Variants in COL21A1 observed in about 807,000 individuals in gnomAD.
COL21A1 encodes the protein collagen alpha-1(XXI) chain.
A neutral mutation model predicts 137.9 loss-of-function variants in COL21A1; 149 were observed. The ratio of observed to expected loss-of-function variants is 1.08; its 90% confidence interval spans 0.95 to 1.24. The LOEUF (loss-of-function observed/expected upper bound fraction) is 1.24. Ranked by LOEUF, COL21A1 falls within the 50% of genes most tolerant of loss-of-function variation. The pLI is 0.00. For synonymous variants in COL21A1, 456 were observed against 391.5 expected (o/e 1.16, Z -1.95); for missense variants, 1,167 against 1,158.4 (o/e 1.01, Z -0.11).
intron 1 of COL21A1, among the ~76,000 whole-genome samples, chr6:56,305,991 T>C (rs1183836555): frequency 7.9e-4 from 106 of 134,672 alleles, no homozygotes; most frequent in Admixed American, 3.0e-3. Context: ...CCTTCACTTA[T>C]GAAGCTTAGT....
rs560095776 is a variant in COL21A1, at chr6:56,281,993, G to T, written c.-38-99337C>A. Among the ~76,000 whole-genome samples, 3 of 152,314 alleles carry T rather than the reference G, an allele frequency of 2.0e-5. No individual in the cohort carries two copies. In the East Asian group the frequency reaches 5.8e-4, roughly 29 times the overall value. ...TACCAAATAAACTTTGCTGTGAGAC[G>T]ATGTGTCAAGAGTGGGTTTTTTAGA... On this transcript the variant is annotated intron_variant, in intron 1 of 28. Transcript: ENST00000370819.
intron 1 of COL21A1, among the ~76,000 whole-genome samples, chr6:56,262,660 G>T (rs1255098459): frequency 6.6e-6 from 1 of 151,950 alleles, no homozygotes; most frequent in African/African-American, 2.4e-5. Context: ...ACTAGAATAG[G>T]GACTGGGATA....
intron 1 of COL21A1, among the ~76,000 whole-genome samples, chr6:56,323,447 T>C (rs1764923867): frequency 6.6e-6 from 1 of 152,192 alleles, no homozygotes; most frequent in African/African-American, 2.4e-5. Context: ...TGGAGTGCAA[T>C]GGCACAATCT....
chr6:56,356,885 T>C (rs1725828153), intron 1 of COL21A1, among the ~76,000 whole-genome samples: 1 of 152,202 alleles, frequency 6.6e-6, no homozygotes, highest in African/African-American at 2.4e-5. Context: ...AAAAATGTTA[T>C]GAAATGCATC....
chr6:56,270,206 A>C (rs1763492213), intron 1 of COL21A1, among the ~76,000 whole-genome samples: 2 of 152,222 alleles, frequency 1.3e-5, no homozygotes, highest in East Asian at 3.8e-4. Flanking sequence ...CCACAGGCTC[A>C]ATGTAAATAG....
chr6:56,183,824 G>A (rs539721519), intron 1 of COL21A1, among the ~76,000 whole-genome samples: 1 of 152,252 alleles, frequency 6.6e-6, no homozygotes, highest in South Asian at 2.1e-4. Flanking sequence ...CACGTACAAA[G>A]ATGTGGGAAA....
At chr6:56,170,165 C>A (rs1299979709) in intron 5 of COL21A1, among the ~76,000 whole-genome samples, 1 of 151,564 alleles carries the variant, frequency 6.6e-6, no homozygotes, top group Non-Finnish European at 1.5e-5. Flanking sequence ...AATTTCATAC[C>A]TATTATGTAT....
At chr6:56,164,112 T>C (rs6922057) in intron 9 of COL21A1, among the ~76,000 whole-genome samples, 97,105 of 152,016 alleles carry the variant, frequency 0.64, 31,349 homozygotes, top group East Asian at 0.86. Context: ...TCTTCATTTT[T>C]TACCAGATTG....
chr6:56,260,580 A>AAG (rs1763226685), intron 1 of COL21A1, among the ~76,000 whole-genome samples: 1 of 48,648 alleles, frequency 2.1e-5, no homozygotes. Flanking sequence ...TCAAAAAAAA[A>AAG]AAAGAAAGAA....
chr6:56,085,263 TTTAAG>T (rs1407729207), intron 17 of COL21A1, among the ~76,000 whole-genome samples: 12 of 152,194 alleles, frequency 7.9e-5, no homozygotes, highest in East Asian at 7.7e-4. Flanking sequence ...AACTAATAAA[TTTAAG>T]TTATCTAATT....
At chr6:56,195,515 AAAAG>A (rs1778963328) in intron 1 of COL21A1, among the ~76,000 whole-genome samples, 1 of 152,044 alleles carries the variant, frequency 6.6e-6, no homozygotes, top group Admixed American at 6.6e-5. Flanking sequence ...ACTAAGAAAA[AAAAG>A]AGAGACAACT....
chr6:56,232,405 T>C (rs192235771), intron 1 of COL21A1, among the ~76,000 whole-genome samples: 26 of 152,052 alleles, frequency 1.7e-4, no homozygotes, highest in Non-Finnish European at 3.2e-4. Context: ...TCATTAAATA[T>C]TTTGAAAAAT....
intron 1 of COL21A1, among the ~76,000 whole-genome samples, chr6:56,323,869 C>T (rs1453073724): frequency 6.6e-6 from 1 of 152,018 alleles, no homozygotes; most frequent in Admixed American, 6.6e-5. Flanking sequence ...TGTTAGAAAA[C>T]ACTTTCTAAA....
chr6:56,097,027 A>T (rs1163959784), intron 17 of COL21A1, among the ~76,000 whole-genome samples: 3 of 152,136 alleles, frequency 2.0e-5, no homozygotes, highest in Admixed American at 6.5e-5. Flanking sequence ...AAAAAAAAAT[A>T]GCTTGTTACG....
At chr6:56,106,334 A>G (rs1770886979) in intron 16 of COL21A1, among the ~76,000 whole-genome samples, 1 of 151,994 alleles carries the variant, frequency 6.6e-6, no homozygotes, top group South Asian at 2.1e-4. Context: ...ATTCCTTACA[A>G]CTCTGTTCTA....
intron 1 of COL21A1, among the ~76,000 whole-genome samples, chr6:56,356,236 T>C (rs774938942): frequency 2.0e-5 from 3 of 152,116 alleles, no homozygotes; most frequent in Non-Finnish European, 4.4e-5. Context: ...CCAGAAGAGA[T>C]GCTATTTTGT....
At chr6:56,249,508 C>T (rs1477208838), upstream of COL21A1, among the ~76,000 whole-genome samples, 2 of 152,130 alleles carry the variant, frequency 1.3e-5, no homozygotes, top group African/African-American at 4.8e-5. Flanking sequence ...TGTTATATCG[C>T]TACAATGGAA....
chr6:56,122,445 T>C (rs1303013677), intron 16 of COL21A1, among the ~76,000 whole-genome samples: 1 of 152,086 alleles, frequency 6.6e-6, no homozygotes, highest in African/African-American at 2.4e-5. Flanking sequence ...CCCGAGTAGC[T>C]GGGACTACAG....
rs767204184 is a variant in COL21A1 at position 56,057,613 on chromosome 6, CA to C, written c.*43del. On this transcript the variant is annotated 3_prime_UTR_variant, in exon 30 of 30. Coordinates refer to ENST00000244728, the MANE Select transcript of COL21A1 (RefSeq NM_030820.4). ...TATCTTCCTGAGATGCAAAAGACCA[CA>C]GAAAAAGCACCATGCCTAGGCTGCT... 1.3e-6 allele frequency: 2 copies of C among 1,587,692 alleles called. No homozygotes were observed. The highest frequency in any genetic ancestry group is 4.5e-5 in the East Asian group (2 of 44,402).
Sources: gnomAD v4.1 joint callset for allele counts (sites outside exome capture counted in the v4.1 genomes callset) on GRCh38, gnomAD v4.1.1 for gene constraint, MANE v1.5 for transcripts, NCBI Gene and HGNC (gene_info 2026-07-23, HGNC 2026-07-21) for gene names.